Variants in ASTN1 observed in about 807,000 individuals in gnomAD.
ASTN1 encodes the protein astrotactin-1.
A neutral mutation model predicts 140.7 loss-of-function variants in ASTN1; 41 were observed. The observed-to-expected ratio is 0.29, with a 90% CI of 0.23 to 0.38. ASTN1 has a LOEUF of 0.38. ASTN1 is among the 10% of genes least tolerant of loss of function. The pLI is 1.00. For synonymous variants in ASTN1, 640 were observed against 652.2 expected (o/e 0.98, Z 0.29); for missense variants, 1,479 against 1,678.8 (o/e 0.88, Z 2.08).
intron 1 of ASTN1, among the ~76,000 whole-genome samples, chr1:177,063,841 C>T (rs752778812): frequency 3.9e-5 from 6 of 152,112 alleles, no homozygotes; most frequent in Non-Finnish European, 8.8e-5. Context: ...CACCTGATGA[C>T]GGAATTAAAT....
At chr1:177,053,465 C>T (rs1337398279) in intron 2 of ASTN1, among the ~76,000 whole-genome samples, 1 of 152,168 alleles carries the variant, frequency 6.6e-6, no homozygotes, top group Non-Finnish European at 1.5e-5. Context: ...CTCAGTTCTG[C>T]CAAGGGCCCT....
intron 1 of ASTN1, 44 bp downstream of exon 1, chr1:177,164,350 C>A (rs758335215): frequency 6.8e-7 from 1 of 1,473,402 alleles, no homozygotes; most frequent in South Asian, 1.4e-5. Context: ...GGTGGGGGCG[C>A]CGGTCCAGCG....
At chr1:177,055,911 C>T (rs906792130) in intron 2 of ASTN1, among the ~76,000 whole-genome samples, 7 of 152,192 alleles carry the variant, frequency 4.6e-5, no homozygotes, top group African/African-American at 7.2e-5. Context: ...ACATCTAGCC[C>T]TCTCTCCTGT....
chr1:177,050,852 T>C (rs897000632), intron 2 of ASTN1, among the ~76,000 whole-genome samples: 1 of 152,122 alleles, frequency 6.6e-6, no homozygotes, highest in Admixed American at 6.5e-5. Context: ...TACATATTTA[T>C]ATGAAGCATT....
intron 1 of ASTN1, among the ~76,000 whole-genome samples, chr1:177,144,392 A>G (rs1333215247): frequency 6.6e-6 from 1 of 151,490 alleles, no homozygotes; most frequent in Non-Finnish European, 1.5e-5. Flanking sequence ...AGCTGGGACT[A>G]CAGGCACCAG....
chr1:177,025,256 G>A (rs1219684648), intron 5 of ASTN1, among the ~76,000 whole-genome samples: 1 of 152,100 alleles, frequency 6.6e-6, no homozygotes, highest in Admixed American at 6.5e-5. Flanking sequence ...TGTGGGACCT[G>A]GAATGAGGAA....
Position 177,064,067 on chromosome 1 carries a change from G to C in ASTN1, c.284-2802C>G, listed in dbSNP as rs116159525. On this transcript the variant is annotated intron_variant, in intron 1 of 22. Transcript: ENST00000361833. ...GCTTATTACCTCTGTTTCCATTGTG[G>C]AAGCAAGGCAAGGTTCTTAGACCAA... 3.4e-3 allele frequency among the ~76,000 whole-genome samples: 522 copies of C among 152,202 alleles called. 3 individuals are homozygous for C. The highest frequency in any genetic ancestry group is 0.012 in the African/African-American group (496 of 41,498).
intron 1 of ASTN1, among the ~76,000 whole-genome samples, chr1:177,118,732 T>G (rs1289839637): frequency 6.6e-6 from 1 of 152,162 alleles, no homozygotes; most frequent in Admixed American, 6.5e-5. Flanking sequence ...TTTGCCAATA[T>G]TACATGTGTA....
chr1:176,992,621 G>A (rs73041787), intron 8 of ASTN1, among the ~76,000 whole-genome samples: 3,454 of 152,158 alleles, frequency 0.023, 129 homozygotes, highest in African/African-American at 0.074. Flanking sequence ...TTTCCAAAAC[G>A]ACTTGGCATC....
chr1:176,949,470 G>T (rs548014540), intron 11 of ASTN1, 119 bp from the exon 12 acceptor site: 3 of 1,126,242 alleles, frequency 2.7e-6, no homozygotes, highest in East Asian at 2.6e-5. Context: ...ATTAACATTC[G>T]CAAGTAATCC....
At chr1:177,036,459 T>C (rs1195490711) in intron 2 of ASTN1, among the ~76,000 whole-genome samples, 3 of 152,222 alleles carry the variant, frequency 2.0e-5, no homozygotes, top group African/African-American at 7.2e-5. Context: ...GTATGGGTTC[T>C]CTGCTTCTGT....
chr1:176,915,877 C>A (rs1472496825), intron 16 of ASTN1, among the ~76,000 whole-genome samples: 1 of 152,092 alleles, frequency 6.6e-6, no homozygotes, highest in South Asian at 2.1e-4. Context: ...GAATTAAAAC[C>A]AATTAAAAGA....
Position 177,116,812 on chromosome 1 carries a change from C to G in ASTN1, c.283+47582G>C, listed in dbSNP as rs548529251. 1.1e-4 allele frequency among the ~76,000 whole-genome samples: 16 copies of G among 152,250 alleles called. No individual in the cohort carries two copies. The South Asian group carries it at 3.3e-3, about 32-fold the overall frequency. The stretch of plus-strand genomic sequence containing the variant: ...CTTGCTCTCCTAATTTTAATCCTGA[C>G]TTTTCTACCATTTTTCAAGCTTTTG... On this transcript the variant is annotated intron_variant, in intron 1 of 22. Transcript: ENST00000361833.
intron 1 of ASTN1, among the ~76,000 whole-genome samples, chr1:177,100,415 C>T (rs1680244955): frequency 6.6e-6 from 1 of 152,076 alleles, no homozygotes; most frequent in Non-Finnish European, 1.5e-5. Flanking sequence ...CAGAACAGAA[C>T]AAGCAGGTTA....
At chr1:176,951,680 C>T (rs1672196392) in intron 11 of ASTN1, among the ~76,000 whole-genome samples, 1 of 152,154 alleles carries the variant, frequency 6.6e-6, no homozygotes, top group Admixed American at 6.5e-5. Context: ...ATTCCAAAAC[C>T]ACATCTTGCC....
At position 176,861,476 on chromosome 1, in the gene ASTN1, A is replaced by G. The variant is rs1667959828; in HGVS notation, c.*2808T>C. ...CAAGGTTGAATACCGGTCCAGTACC[A>G]TCACCCTTTCTAGCCAGGATGGGTT... is the stretch of plus-strand genomic sequence containing the variant. On this transcript the variant is annotated 3_prime_UTR_variant, in exon 23 of 23. Transcript: ENST00000361833. 10 of 985,878 alleles carry G rather than the reference A, an allele frequency of 1.0e-5. No individual in the cohort carries two copies. Among genetic ancestry groups the G allele is most frequent in the Non-Finnish European group, 1.1e-5 (9 of 829,954 alleles). The allele number at this position is 985,878 out of a possible 1,614,324, so 61.1% of individuals were successfully genotyped here. A position where few individuals can be genotyped will look rare whatever the true frequency, so the allele number is the denominator to read the frequency against.
Position 176,894,681 on chromosome 1 carries a change from AG to A in ASTN1, c.2820del (p.Ser941ArgfsTer8). The A allele has an allele frequency of 6.2e-7, 1 of 1,614,082 alleles. No individual in the cohort carries two copies. Among genetic ancestry groups the A allele is most frequent in the Non-Finnish European group, 8.5e-7 (1 of 1,180,010 alleles). Reference sequence around the variant, plus strand: ...GTCACATGACACAGGGGGCAGGACGAGGGGCATCGTCCCTTGCTGTGGCACT... The same window carrying A: ...GTCACATGACACAGGGGGCAGGACGAGGGCATCGTCCCTTGCTGTGGCACT... ...RMECHSKGRCPSSCPLCHVTS... is the reference protein window; with the variant it reads ...RMECHSKGRCXSSCPLCHVTS... On this transcript the variant is annotated frameshift_variant, in exon 17 of 23. Transcript: ENST00000361833. LOFTEE classifies it high-confidence loss of function.
At position 177,089,589 on chromosome 1, in the gene ASTN1, C is replaced by G. The variant is rs561712831; in HGVS notation, c.284-28324G>C. 5.9e-5 allele frequency among the ~76,000 whole-genome samples: 9 copies of G among 152,246 alleles called. No homozygotes were observed. In the South Asian group the frequency reaches 1.9e-3, roughly 32 times the overall value. ...CACATGTTTGCACACTCATGCCATC[C>G]TTTCTCTCGCACACCCACTGCTCAC... On this transcript the variant is annotated intron_variant, in intron 1 of 22. Transcript: ENST00000361833.
At chr1:177,082,239 G>A (rs1479554660) in intron 1 of ASTN1, among the ~76,000 whole-genome samples, 1 of 152,164 alleles carries the variant, frequency 6.6e-6, no homozygotes, top group Non-Finnish European at 1.5e-5. Flanking sequence ...TGAGTGTGCA[G>A]TATGTAAAGA....
Sources: allele counts gnomAD v4.1 joint callset (sites outside exome capture counted in the v4.1 genomes callset), GRCh38; gene constraint gnomAD v4.1.1; transcripts MANE v1.5; gene names NCBI Gene and HGNC (gene_info 2026-07-23, HGNC 2026-07-21).